LIMA1: variants seen among roughly 807,000 people sequenced by gnomAD.
LIMA1 encodes LIM domain and actin-binding protein 1.
Under a neutral mutation model 62.6 loss-of-function variants are expected in LIMA1, and 52 were observed. The ratio of observed to expected loss-of-function variants is 0.83; its 90% confidence interval spans 0.67 to 1.05. LIMA1 has a LOEUF of 1.05. Among genes scored for constraint, LIMA1 ranks in the 50% least tolerant of loss-of-function variants. The pLI, the probability that LIMA1 is intolerant of heterozygous loss-of-function variation, is 0.00. For synonymous variants in LIMA1, 302 were observed against 317.8 expected (o/e 0.95, Z 0.53); for missense variants, 780 against 902.2 (o/e 0.86, Z 1.74).
chr12:50,186,452 G>A (rs1940632587), intron 9 of LIMA1: 2 of 152,642 alleles, frequency 1.3e-5, no homozygotes, highest in South Asian at 2.1e-4. Flanking sequence ...ATGCTAACTG[G>A]TGGTTTGACT....
chr12:50,206,105 C>A, intron 4 of LIMA1, 37 bp from the exon 5 acceptor site: 1 of 1,559,536 alleles, frequency 6.4e-7, no homozygotes, highest in East Asian at 2.3e-5. Context: ...TTTGCAGAAA[C>A]AATGGGAAAT....
chr12:50,239,745 C>T (rs1941746079), intron 2 of LIMA1, among the ~76,000 whole-genome samples: 1 of 152,136 alleles, frequency 6.6e-6, no homozygotes, highest in African/African-American at 2.4e-5. Context: ...CCTGTGATCC[C>T]AGCACTTTGG....
chr12:50,201,611 T>C (rs1389234148), intron 6 of LIMA1: 13 of 853,722 alleles, frequency 1.5e-5, no homozygotes, highest in Non-Finnish European at 1.8e-5. Context: ...AAAATCAACA[T>C]AGAACCTGGG....
At chr12:50,230,576 CT>C (rs1203765809) in intron 3 of LIMA1, among the ~76,000 whole-genome samples, 3 of 150,906 alleles carry the variant, frequency 2.0e-5, no homozygotes, top group East Asian at 1.9e-4. Flanking sequence ...TTTTCTTTTT[CT>C]TTTTTTTTGA....
chr12:50,251,607 T>G, intron 1 of LIMA1, among the ~76,000 whole-genome samples: 1 of 127,462 alleles, frequency 7.8e-6, no homozygotes, highest in Admixed American at 9.3e-5. Flanking sequence ...GGTGACAGAG[T>G]GAATGAGACT....
At chr12:50,263,548 A>C (rs1026162378) in intron 1 of LIMA1, among the ~76,000 whole-genome samples, 7 of 152,176 alleles carry the variant, frequency 4.6e-5, no homozygotes, top group Middle Eastern at 3.4e-3. Context: ...GTTTTTTCTA[A>C]AGTTTTTGTT....
rs1423265745 is a variant in LIMA1 at position 50,269,918 on chromosome 12, C to CAAA, written c.-24+13499_-24+13501dup. 7.9e-5 allele frequency among the ~76,000 whole-genome samples: 7 copies of CAAA among 88,134 alleles called. 1 individual carries two copies. The highest frequency in any genetic ancestry group is 3.3e-4 in the African/African-American group (7 of 21,396). 57.8% of individuals were successfully genotyped at this position (88,134 alleles called of 152,430 possible). On this transcript the variant is annotated intron_variant, in intron 1 of 10. Transcript: ENST00000341247. ...CTGGGCAACAAGAGCAAAACTCCGT[C>CAAA]AAATAAAAAAAAAAAAAAAAAAAAA...
At chr12:50,266,150 G>A (rs546557742) in intron 1 of LIMA1, among the ~76,000 whole-genome samples, 1 of 152,264 alleles carries the variant, frequency 6.6e-6, no homozygotes, top group Admixed American at 6.5e-5. Context: ...GGTAACCTCT[G>A]TCAAAGTCTG....
intron 2 of LIMA1, among the ~76,000 whole-genome samples, chr12:50,237,431 GT>G (rs1941712186): frequency 6.6e-6 from 1 of 152,200 alleles, no homozygotes. Context: ...GAGGTCAGGA[GT>G]TTAAGGCCAG....
intron 1 of LIMA1, among the ~76,000 whole-genome samples, chr12:50,259,466 T>C (rs981232563): frequency 4.6e-5 from 7 of 152,340 alleles, no homozygotes; most frequent in African/African-American, 1.7e-4. Flanking sequence ...AAGTTTTATC[T>C]GAAACACAAT....
chr12:50,201,256 G>C, intron 6 of LIMA1: 1 of 1,025,284 alleles, frequency 9.8e-7, no homozygotes, highest in Non-Finnish European at 1.2e-6. Context: ...CCATTCTGGA[G>C]CAGGGGAAAG....
intron 6 of LIMA1, chr12:50,201,410 T>C: frequency 1.0e-6 from 1 of 983,162 alleles, no homozygotes; most frequent in Non-Finnish European, 1.2e-6. Flanking sequence ...TTGGTGGGAC[T>C]TTCAAAAAGC....
At chr12:50,206,467 G>A (rs774611135) in intron 4 of LIMA1, among the ~76,000 whole-genome samples, 5 of 152,058 alleles carry the variant, frequency 3.3e-5, no homozygotes, top group Non-Finnish European at 4.4e-5. Context: ...CTTTCCCCTG[G>A]ACTACTGCAT....
intron 3 of LIMA1, among the ~76,000 whole-genome samples, chr12:50,225,942 T>C (rs1941520793): frequency 6.6e-6 from 1 of 152,250 alleles, no homozygotes; most frequent in Admixed American, 6.5e-5. Context: ...GCCAACTGTT[T>C]AGATTACAAT....
chr12:50,215,779 A>C (rs944693137), intron 4 of LIMA1, among the ~76,000 whole-genome samples: 2 of 151,920 alleles, frequency 1.3e-5, no homozygotes, highest in Non-Finnish European at 2.9e-5. Flanking sequence ...GGCCTGCTTT[A>C]TTTTTATAAT....
intron 9 of LIMA1, chr12:50,188,772 A>C (rs1940688709): frequency 6.6e-6 from 1 of 152,236 alleles, no homozygotes. Context: ...ATCCCCACCC[A>C]GTACAAGGAA....
chr12:50,206,808 C>G (rs1399227209), intron 4 of LIMA1, among the ~76,000 whole-genome samples: 1 of 152,116 alleles, frequency 6.6e-6, no homozygotes, highest in African/African-American at 2.4e-5. Flanking sequence ...CCTCTGTTCT[C>G]AAGGTACCTG....
rs554546595 is a variant in LIMA1, at chr12:50,234,429, G to A, written c.120-2719C>T. Among the ~76,000 whole-genome samples the A allele has an allele frequency of 7.2e-5, 11 of 151,968 alleles. No individual in the cohort carries two copies. In the East Asian group the frequency reaches 1.2e-3, roughly 16 times the overall value. ...TCACCATGTTGGCCAGGCTTGTCTCGAACTCCTGGCCTCAAGAGATACGCC... is the reference window on the plus strand; with the variant it reads ...TCACCATGTTGGCCAGGCTTGTCTCAAACTCCTGGCCTCAAGAGATACGCC... On this transcript the variant is annotated intron_variant, in intron 2 of 10. Coordinates refer to ENST00000341247, the MANE Select transcript of LIMA1 (RefSeq NM_016357.5).
At chr12:50,184,371 G>C (rs552958713) in intron 9 of LIMA1, among the ~76,000 whole-genome samples, 1 of 152,192 alleles carries the variant, frequency 6.6e-6, no homozygotes, top group Non-Finnish European at 1.5e-5. Context: ...GGCCAGGTGC[G>C]ATGGCCCAGG....
Sources: gnomAD v4.1 joint callset for allele counts (sites outside exome capture counted in the v4.1 genomes callset) on GRCh38, gnomAD v4.1.1 for gene constraint, MANE v1.5 for transcripts, NCBI Gene and HGNC (gene_info 2026-07-23, HGNC 2026-07-21) for gene names.